DUSP6: variants seen among roughly 807,000 people sequenced by gnomAD.
DUSP6 encodes dual specificity phosphatase 6.
DUSP6 carries 6 observed loss-of-function variants against 28.0 expected under a neutral mutation model. The ratio of observed to expected loss-of-function variants is 0.21; its 90% confidence interval spans 0.12 to 0.42. The LOEUF (loss-of-function observed/expected upper bound fraction) is 0.42, where lower values mean the gene tolerates loss of function less well. DUSP6 is among the 10% of genes least tolerant of loss of function. The pLI, the probability that DUSP6 is intolerant of heterozygous loss-of-function variation, is 1.00. For missense variants in DUSP6, 451 were observed against 498.1 expected (o/e 0.91, Z 0.90); for synonymous variants, 252 against 217.5 (o/e 1.16, Z -1.40).
At position 89,351,216 on chromosome 12, in the gene DUSP6, G is replaced by A. The variant is rs180927263; in HGVS notation, c.401-191C>T. ...TGGAACGAACGGGCCCGCCTCGCCA[G>A]GGAACCCTTATTCGCTTGAATCCGG... On this transcript the variant is annotated intron_variant, in intron 1 of 2. Coordinates refer to ENST00000279488, the MANE Select transcript of DUSP6 (RefSeq NM_001946.4). The A allele has an allele frequency of 3.5e-3, 2,519 of 713,788 alleles. 8 individuals carry two copies. The highest frequency in any genetic ancestry group is 7.2e-3 in the Admixed American group (236 of 32,774). 44.2% of individuals were successfully genotyped at this position (713,788 alleles called of 1,614,324 possible).
rs1321445722 is a variant in DUSP6 at position 89,352,225 on chromosome 12, C to T, written c.-186G>A. The stretch of plus-strand genomic sequence containing the variant: ...AGTAAAGCCGGAGGTTCTCTCTGCA[C>T]CCAGCTGCAGCCGCTGGCTCTTAGT... On this transcript the variant is annotated 5_prime_UTR_variant, in exon 1 of 3. In the 5' UTR this introduces an upstream ATG that the reference lacks. Transcript: ENST00000279488. The T allele has an allele frequency of 1.2e-6, 1 of 811,592 alleles. No homozygotes were observed. The highest frequency in any genetic ancestry group is 1.9e-6 in the Non-Finnish European group (1 of 528,890). 50.3% of individuals were successfully genotyped at this position (811,592 alleles called of 1,614,324 possible). A position where few individuals can be genotyped will look rare whatever the true frequency, so the allele number is the denominator to read the frequency against.
chr12:89,349,236 G>C lies in DUSP6; in HGVS notation c.*18C>G. On this transcript the variant is annotated 3_prime_UTR_variant, in exon 3 of 3. Transcript: ENST00000279488. Reference sequence around the variant, plus strand: ...TGAAGGGCCAGACACATTCCAGCAAGGAGGGGTGTGGGGTCTTTCACGTAG... The same window carrying C: ...TGAAGGGCCAGACACATTCCAGCAACGAGGGGTGTGGGGTCTTTCACGTAG... The C allele has an allele frequency of 6.3e-7, 1 of 1,594,584 alleles. No individual in the cohort carries two copies. Among genetic ancestry groups the C allele is most frequent in the Non-Finnish European group, 8.6e-7 (1 of 1,166,416 alleles).
In DUSP6 at chr12:89,350,689, A is replaced by G. The variant is rs373671276; in HGVS notation, c.737T>C (p.Leu246Pro). 1 of 1,614,144 alleles carries G rather than the reference A, an allele frequency of 6.2e-7. No homozygotes were observed. Among genetic ancestry groups the G allele is most frequent in the Non-Finnish European group, 8.5e-7 (1 of 1,180,014 alleles). The change falls in exon 2 of 3, where the codon CTC becomes CCC. Residue 246 changes from leucine to proline, a missense_variant. Coordinates refer to ENST00000279488, the MANE Select transcript of DUSP6 (RefSeq NM_001946.4). ...TTTAAACTCTCCTGCGTTCTCAAAG[A>G]GATTCGGCAAATTGGGGGTGACGTT... The part of the protein sequence containing the change: ...ILNVTPNLPN[L>P]FENAGEFKYK...
chr12:89,350,509 CG>C (rs1879144413), intron 2 of DUSP6, 78 bp downstream of exon 2: 1 of 1,396,562 alleles, frequency 7.2e-7, no homozygotes, highest in East Asian at 2.3e-5. Context: ...GCAGCAAGAA[CG>C]ATTAACAGCT....
intron 2 of DUSP6, 86 bp downstream of exon 2, chr12:89,350,502 G>T (rs1369812927): frequency 7.4e-7 from 1 of 1,345,678 alleles, no homozygotes; most frequent in Non-Finnish European, 1.0e-6. Context: ...TTAGCAAGCA[G>T]CAAGAACGAT....
chr12:89,348,924 A>G lies in DUSP6; in HGVS notation c.*330T>C, dbSNP rs1306488021. 4.4e-6 allele frequency: 1 copy of G among 226,818 alleles called. No homozygotes were observed. Among genetic ancestry groups the G allele is most frequent in the Admixed American group, 5.0e-5 (1 of 19,804 alleles). 14.1% of individuals were successfully genotyped at this position (226,818 alleles called of 1,614,324 possible). A position where few individuals can be genotyped will look rare whatever the true frequency, so the allele number is the denominator to read the frequency against. ...AGGAAACAGCCTTACAAGGCCCTAAAGAACACATGCTCCTACCCTATCATT... is the reference window on the plus strand; with the variant it reads ...AGGAAACAGCCTTACAAGGCCCTAAGGAACACATGCTCCTACCCTATCATT... On this transcript the variant is annotated 3_prime_UTR_variant, in exon 3 of 3. Coordinates refer to ENST00000279488, the MANE Select transcript of DUSP6 (RefSeq NM_001946.4).
intron 2 of DUSP6, 129 bp downstream of exon 2, chr12:89,350,459 T>C (rs1879142809): frequency 1.1e-6 from 1 of 934,728 alleles, no homozygotes; most frequent in South Asian, 1.6e-5. Flanking sequence ...TTAAGGACGC[T>C]CTAGGAACAT....
At chr12:89,350,490 A>G in intron 2 of DUSP6, 98 bp downstream of exon 2, 1 of 1,261,656 alleles carries the variant, frequency 7.9e-7, no homozygotes, top group Non-Finnish European at 1.1e-6. Flanking sequence ...CAGTCAGACA[A>G]ATTAGCAAGC....
Position 89,347,796 on chromosome 12 carries a change from C to T in DUSP6, c.*1458G>A, listed in dbSNP as rs1036053777. On this transcript the variant is annotated 3_prime_UTR_variant, in exon 3 of 3. Transcript: ENST00000279488. ...AGCTATGCTCTATAGGTTCATTTTT[C>T]TTCAGGGGCTTTAAAATCTTAAGCC... The T allele has an allele frequency of 7.2e-5, 11 of 152,148 alleles. No individual in the cohort carries two copies. The highest frequency in any genetic ancestry group is 2.7e-4 in the African/African-American group (11 of 41,436). The allele number at this position is 152,148 out of a possible 1,614,324, so 9.4% of individuals were successfully genotyped here.
At position 89,348,403 on chromosome 12, in the gene DUSP6, T is replaced by C. The variant is rs1879055098; in HGVS notation, c.*851A>G. ...CCATGATTTGGTGTCTTTCCCAGAT[T>C]ATCCCCTTTGCGACAACACAAGCAA... On this transcript the variant is annotated 3_prime_UTR_variant, in exon 3 of 3. Transcript: ENST00000279488. The C allele has an allele frequency of 1.3e-5, 2 of 152,728 alleles. No homozygotes were observed. The highest frequency in any genetic ancestry group is 3.4e-3 in the Middle Eastern group (1 of 294). 9.5% of individuals were successfully genotyped at this position (152,728 alleles called of 1,614,324 possible).
In DUSP6 at chr12:89,348,990, C is replaced by CGAAT; in HGVS notation, c.*263_*264insATTC. ...CGCCTGGAAGTCCTCGAATCCCAGTCCCTGCATGGGTAGGCTGTACACATG... is the reference window on the plus strand; with the variant it reads ...CGCCTGGAAGTCCTCGAATCCCAGTCGAATCCTGCATGGGTAGGCTGTACACATG... On this transcript the variant is annotated 3_prime_UTR_variant, in exon 3 of 3. Coordinates refer to ENST00000279488, the MANE Select transcript of DUSP6 (RefSeq NM_001946.4). The CGAAT allele has an allele frequency of 2.5e-6, 1 of 403,220 alleles. No homozygotes were observed. Among genetic ancestry groups the CGAAT allele is most frequent in the Admixed American group, 3.9e-5 (1 of 25,856 alleles). 25.0% of individuals were successfully genotyped at this position (403,220 alleles called of 1,614,324 possible).
intron 2 of DUSP6, among the ~76,000 whole-genome samples, chr12:89,350,104 G>A (rs1176512910): frequency 6.6e-6 from 1 of 152,184 alleles, no homozygotes; most frequent in Admixed American, 6.5e-5. Context: ...TCTTCCTGCT[G>A]GGCTCAGGTT....
rs151076733 is a variant in DUSP6, at chr12:89,352,226, C to T, written c.-187G>A. ...GTAAAGCCGGAGGTTCTCTCTGCAC[C>T]CAGCTGCAGCCGCTGGCTCTTAGTG... On this transcript the variant is annotated 5_prime_UTR_variant, in exon 1 of 3. Coordinates refer to ENST00000279488, the MANE Select transcript of DUSP6 (RefSeq NM_001946.4). 970 of 782,304 alleles carry T rather than the reference C, an allele frequency of 1.2e-3. 2 individuals carry two copies. Among genetic ancestry groups the T allele is most frequent in the Admixed American group, 1.7e-3 (58 of 34,182 alleles). 48.5% of individuals were successfully genotyped at this position (782,304 alleles called of 1,614,324 possible).
In DUSP6 at chr12:89,350,747, C is replaced by T; in HGVS notation, c.679G>A (p.Val227Met). The T allele has an allele frequency of 1.2e-6, 2 of 1,614,098 alleles. No individual in the cohort carries two copies. The highest frequency in any genetic ancestry group is 2.2e-5 in the South Asian group (2 of 91,080). The change falls in exon 2 of 3, where the codon GTG (valine) becomes ATG (methionine). Residue 227 changes from valine (V) to methionine (M), a missense_variant. Val to Met is a conservative substitution (Grantham distance 21). Coordinates refer to ENST00000279488, the MANE Select transcript of DUSP6 (RefSeq NM_001946.4). ...TACTTGATGCCGAATTCCTCCAACA[C>T]GTCCAAGTTGGTGGAGTCTTTGGCA... ...GCAKDSTNLD[V>M]LEEFGIKYIL...
In DUSP6 at chr12:89,352,151, GCCT is replaced by G; in HGVS notation, c.-115_-113del. On this transcript the variant is annotated 5_prime_UTR_variant, in exon 1 of 3. Coordinates refer to ENST00000279488, the MANE Select transcript of DUSP6 (RefSeq NM_001946.4). ...CGCTCTCGGAGCGGGGTTTAATTCC[GCCT>G]CGCCTTACCCAAGCCGAGGCTAGCG... is the stretch of plus-strand genomic sequence containing the variant. 6.7e-7 allele frequency: 1 copy of G among 1,483,358 alleles called. No homozygotes were observed. The highest frequency in any genetic ancestry group is 9.0e-7 in the Non-Finnish European group (1 of 1,106,248). 91.9% of individuals were successfully genotyped at this position (1,483,358 alleles called of 1,614,324 possible).
In DUSP6 at chr12:89,352,317, A is replaced by G; in HGVS notation, c.-278T>C. 4.1e-6 allele frequency: 2 copies of G among 493,226 alleles called. No homozygotes were observed. Among genetic ancestry groups the G allele is most frequent in the Non-Finnish European group, 3.6e-6 (1 of 275,140 alleles). The allele number at this position is 493,226 out of a possible 1,614,324, so 30.6% of individuals were successfully genotyped here. A position where few individuals can be genotyped will look rare whatever the true frequency, so the allele number is the denominator to read the frequency against. Reference sequence around the variant, plus strand: ...GTTCCTCCCCAGTGAATGAAATCCAATTAATTCGGACTCCGTGCTACTGAG... The same window carrying G: ...GTTCCTCCCCAGTGAATGAAATCCAGTTAATTCGGACTCCGTGCTACTGAG... On this transcript the variant is annotated 5_prime_UTR_variant, in exon 1 of 3. Transcript: ENST00000279488.
rs779272748 is a variant in DUSP6 at position 89,351,003 on chromosome 12, G to C, written c.423C>G (p.Ala141=). 6.2e-7 allele frequency: 1 copy of C among 1,600,996 alleles called. No individual in the cohort carries two copies. The highest frequency in any genetic ancestry group is 1.1e-5 in the South Asian group (1 of 90,202). The change falls in exon 2 of 3, where the codon GCC becomes GCG. Residue 141 remains alanine, a synonymous_variant. Coordinates refer to ENST00000279488, the MANE Select transcript of DUSP6 (RefSeq NM_001946.4). ...YLEGGFSKFQ[A]EFSLHCETNL... ...TGGTCTCGCAATGCAGGGAGAACTCGGCTTGGAACTTACTGAAGCCACCTG... is the reference window on the plus strand; with the variant it reads ...TGGTCTCGCAATGCAGGGAGAACTCCGCTTGGAACTTACTGAAGCCACCTG...
chr12:89,350,949 CG>C lies in DUSP6; in HGVS notation c.476del (p.Ser159CysfsTer79). 6.2e-7 allele frequency: 1 copy of C among 1,613,000 alleles called. No homozygotes were observed. The highest frequency in any genetic ancestry group is 8.5e-7 in the Non-Finnish European group (1 of 1,179,760). The stretch of plus-strand genomic sequence containing the variant: ...CGAGCCCCAGCACTGGCAACGGCGG[CG>C]AGCTGCTGCTACACGAGCCGTCTAG... The part of the protein sequence containing the change: ...TNLDGSCSSS[S>X]PPLPVLGLGG... On this transcript the variant is annotated frameshift_variant, in exon 2 of 3. Transcript: ENST00000279488. LOFTEE classifies it high-confidence loss of function.
intron 2 of DUSP6, among the ~76,000 whole-genome samples, chr12:89,349,805 A>G (rs1879119517): frequency 6.6e-6 from 1 of 152,204 alleles, no homozygotes; most frequent in Admixed American, 6.5e-5. Flanking sequence ...AAAACTCCTT[A>G]ATGGGTGCAT....
Sources: gnomAD v4.1 joint callset for allele counts (sites outside exome capture counted in the v4.1 genomes callset) on GRCh38, gnomAD v4.1.1 for gene constraint, MANE v1.5 for transcripts, NCBI Gene and HGNC (gene_info 2026-07-23, HGNC 2026-07-21) for gene names.